Variants in APEX2 observed in about 807,000 individuals in gnomAD.
The protein encoded by APEX2 is DNA-(apurinic or apyrimidinic site) endonuclease 2.
A neutral mutation model predicts 16.7 loss-of-function variants in APEX2; 4 were observed. The observed-to-expected ratio is 0.24, with a 90% CI of 0.12 to 0.55. The LOEUF is 0.55. Among genes scored for constraint, APEX2 ranks in the 20% least tolerant of loss-of-function variants. The probability of loss-of-function intolerance (pLI) is 0.94; values close to 1 mark genes in which losing one functional copy is unlikely to be tolerated. For missense variants in APEX2, 357 were observed against 433.6 expected, an observed-to-expected ratio of 0.82 and a Z score of 1.57; for synonymous variants, 181 against 166.9, an observed-to-expected ratio of 1.08 and a Z score of -0.65.
chrX:55,002,601 T>TC (rs752404873), intron 3 of APEX2, among the ~76,000 whole-genome samples, 170 bp downstream of exon 3: 1 of 112,147 alleles, frequency 8.9e-6, no homozygotes, highest in African/African-American at 3.2e-5. Context: ...GGCAAATTTT[T>TC]CCCCCCTCTG....
chrX:55,006,649 CT>C lies in APEX2; in HGVS notation c.773del (p.Phe258SerfsTer30). 1 of 1,163,079 alleles carries C rather than the reference CT, an allele frequency of 8.6e-7. No homozygotes were observed. On this transcript the variant is annotated frameshift_variant, in exon 6 of 6. Transcript: ENST00000374987. LOFTEE classifies it low-confidence loss of function (END_TRUNC). ...GCTTCCAACCAAAGCAGGAGGGGGC[CT>C]TCACCTGCTGGTCAGCAGTCACTGG... The part of the protein sequence containing the change: ...RCFQPKQEGA[F>X]TCWSAVTGAR...
intron 2 of APEX2, among the ~76,000 whole-genome samples, 186 bp downstream of exon 2, chrX:55,001,815 G>C (rs1281042110): frequency 9.8e-6 from 1 of 101,691 alleles, no homozygotes; most frequent in African/African-American, 4.7e-5. Flanking sequence ...GACCTCAGAA[G>C]TACAGTAGTA....
In APEX2 at chrX:55,004,490, C is replaced by T. The variant is rs28382689; in HGVS notation, c.639+622C>T. Among the ~76,000 whole-genome samples the T allele has an allele frequency of 9.4e-4, 105 of 111,861 alleles. No individual in the cohort carries two copies. The East Asian group carries it at 0.015, about 16-fold the overall frequency. ...GAATTCCACATTGCCTTGGTCATTT[C>T]CTTAATACACTGTATTTCTTGTTTA... On this transcript the variant is annotated intron_variant, in intron 5 of 5. Transcript: ENST00000374987.
At position 55,007,197 on chromosome X, in the gene APEX2, C is replaced by G. The variant is rs1312484945; in HGVS notation, c.1319C>G (p.Ala440Gly). Reference sequence around the variant, plus strand: ...GTGGCCAAAGTGGTGAAGGGGCAGGCCAAGACTTCAGAAGCCAAAGATGAG... The same window carrying G: ...GTGGCCAAAGTGGTGAAGGGGCAGGGCAAGACTTCAGAAGCCAAAGATGAG... The part of the protein sequence containing the change: ...KAVAKVVKGQ[A>G]KTSEAKDEKE... The change falls in exon 6 of 6, where the codon GCC becomes GGC. Residue 440 changes from alanine to glycine, a missense_variant. By Grantham distance (60) the Ala-to-Gly change is moderately conservative. Coordinates refer to ENST00000374987, the MANE Select transcript of APEX2 (RefSeq NM_014481.4). 7 of 1,212,089 alleles carry G rather than the reference C, an allele frequency of 5.8e-6. No individual in the cohort carries two copies. Among genetic ancestry groups the G allele is most frequent in the Non-Finnish European group, 7.8e-6 (7 of 895,587 alleles).
chrX:55,002,549 T>G, intron 3 of APEX2, 118 bp downstream of exon 3: 2 of 907,335 alleles, frequency 2.2e-6, no homozygotes, highest in Non-Finnish European at 3.0e-6. Flanking sequence ...AAATTTGCCT[T>G]TCCTGGTTTA....
At chrX:55,002,836 TTG>T in intron 3 of APEX2, 124 bp from the exon 4 acceptor site, 7 of 748,720 alleles carry the variant, frequency 9.3e-6, no homozygotes, top group Non-Finnish European at 1.3e-5. Context: ...GCCAGATCAT[TTG>T]TGTCTCTTTA....
chrX:55,003,898 C>T (rs1222037718), intron 5 of APEX2, 30 bp downstream of exon 5: 1 of 1,183,722 alleles, frequency 8.4e-7, no homozygotes, highest in South Asian at 1.8e-5. Flanking sequence ...CCTGGCCCCA[C>T]TCCTGACTGA....
At position 55,000,560 on chromosome X, in the gene APEX2, C is replaced by T; in HGVS notation, c.138C>T (p.Leu46=). 8.3e-7 allele frequency: 1 copy of T among 1,206,563 alleles called. No homozygotes were observed. The highest frequency in any genetic ancestry group is 1.1e-6 in the Non-Finnish European group (1 of 893,467). Residue 46 remains leucine (L), a synonymous_variant, in exon 1 of 6, where the codon CTC becomes CTT. Coordinates refer to ENST00000374987, the MANE Select transcript of APEX2 (RefSeq NM_014481.4). ...LDELDADIVC[L]QETKVTRDAL... The stretch of plus-strand genomic sequence containing the variant: ...AGCTGGATGCGGATATCGTCTGTCT[C>T]CAGGAAACCAAAGTGACCAGTGAGC...
chrX:55,006,896 C>G lies in APEX2; in HGVS notation c.1018C>G (p.Leu340Val), dbSNP rs1277951290. ...GTTTGCAGGCACCCAGCTCAAGATC[C>G]TTCGCTTCCTAGTTCCTCTCGAACA... ...PEFAGTQLKI[L>V]RFLVPLEQSP... The change falls in exon 6 of 6, where the codon CTT (leucine) becomes GTT (valine). Residue 340 changes from leucine to valine, a missense_variant. Coordinates refer to ENST00000374987, the MANE Select transcript of APEX2 (RefSeq NM_014481.4). 1 of 1,211,751 alleles carries G rather than the reference C, an allele frequency of 8.3e-7. No homozygotes were observed. The highest frequency in any genetic ancestry group is 1.1e-6 in the Non-Finnish European group (1 of 895,462).
chrX:55,002,226 C>T, intron 2 of APEX2, 25 bp from the exon 3 acceptor site: 2 of 1,167,773 alleles, frequency 1.7e-6, no homozygotes, highest in South Asian at 2.0e-5. Flanking sequence ...GCCAGGTCTG[C>T]TCAGAGTGCC....
In APEX2 at chrX:55,003,087, A is replaced by G. The variant is rs1300174047; in HGVS notation, c.548A>G (p.Glu183Gly). ...TATCGTTTGCTGCAAATCCGAGCAGAAGCCCTCCTGGCGGCAGGCAGGTAC... is the reference window on the plus strand; with the variant it reads ...TATCGTTTGCTGCAAATCCGAGCAGGAGCCCTCCTGGCGGCAGGCAGGTAC... Reference protein sequence around the residue: ...RFYRLLQIRAEALLAAGSHVI... With the variant: ...RFYRLLQIRAGALLAAGSHVI... The change falls in exon 4 of 6, where the codon GAA (glutamate) becomes GGA (glycine). Residue 183 changes from glutamate (E) to glycine (G), a missense_variant. Glu to Gly is a moderately conservative substitution (Grantham distance 98, BLOSUM62 -2). Coordinates refer to ENST00000374987, the MANE Select transcript of APEX2 (RefSeq NM_014481.4). The G allele has an allele frequency of 8.3e-7, 1 of 1,212,010 alleles. No individual in the cohort carries two copies. The highest frequency in any genetic ancestry group is 1.7e-5 in the African/African-American group (1 of 57,935).
In APEX2 at chrX:55,001,553, A is replaced by C; in HGVS notation, c.165A>C (p.Ala55=). 5 of 1,202,126 alleles carry C rather than the reference A, an allele frequency of 4.2e-6. No homozygotes were observed. The highest frequency in any genetic ancestry group is 5.6e-6 in the Non-Finnish European group (5 of 890,534). Residue 55 remains alanine (A), a synonymous_variant, in exon 2 of 6, where the codon GCA becomes GCC. Transcript: ENST00000374987. The part of the protein sequence containing the change: ...CLQETKVTRD[A]LTEPLAIVEG... ...TACATTTTTTTTTTCCAGGGGATGCACTGACAGAGCCCCTGGCTATCGTTG... is the reference window on the plus strand; with the variant it reads ...TACATTTTTTTTTTCCAGGGGATGCCCTGACAGAGCCCCTGGCTATCGTTG...
In APEX2 at chrX:55,000,378, C is replaced by A. The variant is rs1935417121; in HGVS notation, c.-45C>A. The A allele has an allele frequency of 9.1e-7, 1 of 1,099,741 alleles. No homozygotes were observed. Among genetic ancestry groups the A allele is most frequent in the African/African-American group, 1.9e-5 (1 of 52,903 alleles). The allele number at this position is 1,099,741 out of a possible 1,213,427, so 90.6% of individuals were successfully genotyped here. On this transcript the variant is annotated 5_prime_UTR_variant, in exon 1 of 6. Coordinates refer to ENST00000374987, the MANE Select transcript of APEX2 (RefSeq NM_014481.4). The stretch of plus-strand genomic sequence containing the variant: ...ACTTCTGAACAGGAAGCAGTTCGCT[C>A]GCGCCTAGGTTGGCGCGGGCTGGGA...
intron 5 of APEX2, among the ~76,000 whole-genome samples, chrX:55,005,807 G>C (rs967346083): frequency 1.8e-5 from 2 of 110,344 alleles, no homozygotes; most frequent in African/African-American, 3.3e-5. Flanking sequence ...CTCCACCTAG[G>C]TTACTCTTAC....
At chrX:55,002,665 A>G (rs1337656168) in intron 3 of APEX2, among the ~76,000 whole-genome samples, 5 of 111,612 alleles carry the variant, frequency 4.5e-5, no homozygotes, top group Non-Finnish European at 9.4e-5. Context: ...TCCAGCTCTT[A>G]TTACCATAGA....
At chrX:55,001,670 G>A (rs756511662) in intron 2 of APEX2, 41 bp downstream of exon 2, 9 of 1,000,277 alleles carry the variant, frequency 9.0e-6, no homozygotes, top group Non-Finnish European at 1.2e-5. Flanking sequence ...AGTGAGGGAG[G>A]CAGATAGGGG....
chrX:55,000,712 C>T, intron 1 of APEX2, 133 bp downstream of exon 1: 1 of 752,626 alleles, frequency 1.3e-6, no homozygotes, highest in Non-Finnish European at 1.8e-6. Flanking sequence ...TCCCTTCCCT[C>T]TTAAACTTCC....
At chrX:55,004,270 G>T (rs181553180) in intron 5 of APEX2, among the ~76,000 whole-genome samples, 1 of 112,924 alleles carries the variant, frequency 8.9e-6, no homozygotes, top group African/African-American at 3.2e-5. Context: ...GCTGAAAATG[G>T]CTGAATCTTA....
chrX:55,007,260 C>A lies in APEX2; in HGVS notation c.1382C>A (p.Ala461Glu). 1 of 1,212,089 alleles carries A rather than the reference C, an allele frequency of 8.3e-7. No homozygotes were observed. The highest frequency in any genetic ancestry group is 1.1e-6 in the Non-Finnish European group (1 of 895,533). ...LRTSFWKSVL[A>E]GPLRTPLCGG... ...ACCTCATTCTGGAAGTCTGTGCTGG[C>A]GGGGCCCTTGCGCACACCCCTCTGT... is the stretch of plus-strand genomic sequence containing the variant. Residue 461 changes from alanine (A) to glutamate (E), a missense_variant, in exon 6 of 6, where the codon GCG becomes GAG. Ala to Glu is a moderately radical substitution (Grantham distance 107, BLOSUM62 -1). Coordinates refer to ENST00000374987, the MANE Select transcript of APEX2 (RefSeq NM_014481.4).
Sources: gnomAD v4.1 joint callset for allele counts (sites outside exome capture counted in the v4.1 genomes callset) on GRCh38, gnomAD v4.1.1 for gene constraint, MANE v1.5 for transcripts, NCBI Gene and HGNC (gene_info 2026-07-23, HGNC 2026-07-21) for gene names.